SNRPN: variants seen among roughly 807,000 people sequenced by gnomAD.
The protein encoded by SNRPN is small nuclear ribonucleoprotein polypeptide N.
A neutral mutation model predicts 25.2 loss-of-function variants in SNRPN; 7 were observed. The observed-to-expected ratio is 0.28, with a 90% CI of 0.16 to 0.52. SNRPN has a LOEUF of 0.52. Ranked by LOEUF, SNRPN falls within the 20% of genes least tolerant of loss-of-function variation. The pLI is 0.96. For synonymous variants in SNRPN, 124 were observed against 110.6 expected (o/e 1.12, Z -0.76); for missense variants, 196 against 322.5 (o/e 0.61, Z 3.00).
chr15:24,903,630 G>A (rs1275085746), intron 2 of SNRPN, among the ~76,000 whole-genome samples: 2 of 152,066 alleles, frequency 1.3e-5, no homozygotes, highest in Admixed American at 6.6e-5. Flanking sequence ...GGAACCATCC[G>A]GTATCAAGAA....
At chr15:24,953,454 G>A (rs934314565), upstream of SNRPN, among the ~76,000 whole-genome samples, 1 of 152,118 alleles carries the variant, frequency 6.6e-6, no homozygotes, top group Non-Finnish European at 1.5e-5. Context: ...CTCCCGAGTA[G>A]CTAAGATTAC....
intron 1 of SNRPN, among the ~76,000 whole-genome samples, chr15:24,878,961 T>G (rs1379760493): frequency 6.6e-6 from 1 of 152,014 alleles, no homozygotes; most frequent in Non-Finnish European, 1.5e-5. Context: ...AGTTTTAGTA[T>G]CTCCTTATAG....
intron 3 of SNRPN, among the ~76,000 whole-genome samples, chr15:24,934,677 T>C (rs1490332922): frequency 6.6e-6 from 1 of 152,214 alleles, no homozygotes; most frequent in Non-Finnish European, 1.5e-5. Context: ...TATCTCAGCC[T>C]TCTGAGTAGC....
At chr15:24,937,400 G>C (rs2061303261) in intron 3 of SNRPN, among the ~76,000 whole-genome samples, 1 of 152,116 alleles carries the variant, frequency 6.6e-6, no homozygotes, top group Admixed American at 6.6e-5. Flanking sequence ...CAGGCATGGT[G>C]ATGTGCACCT....
chr15:24,872,069 A>T (rs1375807161), intron 1 of SNRPN, among the ~76,000 whole-genome samples: 1 of 120,808 alleles, frequency 8.3e-6, no homozygotes, highest in Non-Finnish European at 1.8e-5. Context: ...CAAACATTTT[A>T]AAAAATAGAT....
intron 3 of SNRPN, among the ~76,000 whole-genome samples, chr15:24,938,176 C>T (rs1488628107): frequency 1.3e-5 from 2 of 151,636 alleles, no homozygotes; most frequent in South Asian, 2.1e-4. Flanking sequence ...AGTGCCACGC[C>T]ATGATCTCGG....
chr15:24,904,329 A>G (rs779649067), intron 2 of SNRPN, among the ~76,000 whole-genome samples: 1 of 152,138 alleles, frequency 6.6e-6, no homozygotes, highest in African/African-American at 2.4e-5. Flanking sequence ...GTATGTTTTA[A>G]TGGCACACAT....
At chr15:24,935,788 T>C (rs2061186924) in intron 3 of SNRPN, among the ~76,000 whole-genome samples, 1 of 152,128 alleles carries the variant, frequency 6.6e-6, no homozygotes, top group African/African-American at 2.4e-5. Flanking sequence ...AAAAGTGGAC[T>C]ATGGGTGCTC....
chr15:24,974,756 A>G (rs1283319621), intron 4 of SNRPN: 2 of 610,828 alleles, frequency 3.3e-6, no homozygotes, highest in Non-Finnish European at 5.8e-6. Context: ...ACAGGGTTTC[A>G]CTGTGTTGGC....
rs1011534656 is a variant in SNRPN at position 24,872,484 on chromosome 15, G to A, written c.-578-14032G>A. Reference sequence around the variant, plus strand: ...GTTTAGGCTGGGCGCAGTGGCTCACGCCTGTAATCCCAGCACTGTGGGAGG... The same window carrying A: ...GTTTAGGCTGGGCGCAGTGGCTCACACCTGTAATCCCAGCACTGTGGGAGG... On this transcript the variant is annotated intron_variant, in intron 1 of 11. Coordinates refer to the SNRPN transcript ENST00000400097. Among the ~76,000 whole-genome samples, 10 of 119,960 alleles carry A rather than the reference G, an allele frequency of 8.3e-5. 1 individual carries two copies. The highest frequency in any genetic ancestry group is 4.9e-3 in the Middle Eastern group (1 of 206). 78.7% of individuals were successfully genotyped at this position (119,960 alleles called of 152,430 possible). A position where few individuals can be genotyped will look rare whatever the true frequency, so the allele number is the denominator to read the frequency against.
chr15:24,919,758 A>G (rs1035097626), intron 2 of SNRPN, among the ~76,000 whole-genome samples: 1 of 152,178 alleles, frequency 6.6e-6, no homozygotes, highest in Non-Finnish European at 1.5e-5. Context: ...AAGGTAAGGA[A>G]GTTCTTGCTA....
At position 24,873,346 on chromosome 15, in the gene SNRPN, A is replaced by T. The variant is rs1361035797; in HGVS notation, c.-578-13170A>T. ...TTTTTGTTTCTTTTTTTTTTTTTTG[A>T]AACGGAGTATTGCTCAGTCACCCAG... On this transcript the variant is annotated intron_variant, in intron 1 of 11. Coordinates refer to the SNRPN transcript ENST00000400097. 6.2e-5 allele frequency among the ~76,000 whole-genome samples: 7 copies of T among 112,146 alleles called. 3 individuals carry two copies. The East Asian group carries it at 2.1e-3, about 34-fold the overall frequency. 73.6% of individuals were successfully genotyped at this position (112,146 alleles called of 152,430 possible).
At chr15:24,945,393 T>C (rs2061818515) in intron 3 of SNRPN, among the ~76,000 whole-genome samples, 2 of 137,408 alleles carry the variant, frequency 1.5e-5, no homozygotes, top group African/African-American at 5.5e-5. Context: ...CAATGGTAGG[T>C]ACCTGTGCAT....
intron 3 of SNRPN, among the ~76,000 whole-genome samples, chr15:24,949,339 A>C (rs1304496301): frequency 6.6e-6 from 1 of 152,028 alleles, no homozygotes; most frequent in Non-Finnish European, 1.5e-5. Flanking sequence ...GCCAATCCTT[A>C]ACAGAACATA....
chr15:24,957,098 C>T (rs1198077339), intron 1 of SNRPN, among the ~76,000 whole-genome samples: 1 of 151,988 alleles, frequency 6.6e-6, no homozygotes, highest in East Asian at 1.9e-4. Flanking sequence ...TTTTTTAACT[C>T]CCTGTAGTCT....
intron 3 of SNRPN, among the ~76,000 whole-genome samples, chr15:24,936,530 G>C (rs992056129): frequency 6.6e-6 from 1 of 152,126 alleles, no homozygotes; most frequent in Non-Finnish European, 1.5e-5. Flanking sequence ...ACCCGAGCCT[G>C]GGTAATTTAT....
intron 2 of SNRPN, among the ~76,000 whole-genome samples, chr15:24,898,386 G>A (rs867846352): frequency 6.6e-6 from 1 of 151,992 alleles, no homozygotes; most frequent in Non-Finnish European, 1.5e-5. Context: ...TGAAGAGATC[G>A]AGACCATCCT....
intron 2 of SNRPN, among the ~76,000 whole-genome samples, chr15:24,844,304 G>A (rs1416951024): frequency 6.6e-6 from 1 of 151,872 alleles, no homozygotes; most frequent in Non-Finnish European, 1.5e-5. Context: ...TAACTTGTTC[G>A]TCATCCATAT....
intron 2 of SNRPN, among the ~76,000 whole-genome samples, chr15:24,893,427 G>C (rs988299758): frequency 3.3e-5 from 5 of 151,784 alleles, no homozygotes; most frequent in African/African-American, 1.2e-4. Context: ...CACCAGCCTG[G>C]GCAACGTATT....
Sources: allele counts gnomAD v4.1 joint callset (sites outside exome capture counted in the v4.1 genomes callset), GRCh38; gene constraint gnomAD v4.1.1; transcripts MANE v1.5; gene names NCBI Gene and HGNC (gene_info 2026-07-23, HGNC 2026-07-21).